Variants in SCN9A observed in about 807,000 individuals in gnomAD.
SCN9A encodes sodium channel protein type 9 subunit alpha.
A neutral mutation model predicts 187.0 loss-of-function variants in SCN9A; 131 were observed. The observed-to-expected ratio is 0.70, with a 90% CI of 0.61 to 0.81. SCN9A has a LOEUF of 0.81. SCN9A is among the 30% of genes least tolerant of loss of function. SCN9A has a pLI of 0.00. For synonymous variants in SCN9A, 809 were observed against 808.6 expected, an observed-to-expected ratio of 1.00 and a Z score of -0.01; for missense variants, 2,252 against 2,396.6, an observed-to-expected ratio of 0.94 and a Z score of 1.26.
chr2:166,214,437 G>A (rs940621874), intron 24 of SCN9A, among the ~76,000 whole-genome samples: 9 of 151,476 alleles, frequency 5.9e-5, no homozygotes, highest in African/African-American at 2.2e-4. Flanking sequence ...CTAAACAAGA[G>A]GAATAACATT....
At position 166,199,326 on chromosome 2, in the gene SCN9A, A is replaced by G. The variant is rs758469073; in HGVS notation, c.5313T>C (p.Thr1771=). 1.2e-6 allele frequency: 2 copies of G among 1,614,220 alleles called. No individual in the cohort carries two copies. Among genetic ancestry groups the G allele is most frequent in the Non-Finnish European group, 8.5e-7 (1 of 1,180,036 alleles). The stretch of plus-strand genomic sequence containing the variant: ...CAAAGTCATCCTCACTCAGAGGTTC[A>G]GTACTTTCTTCAGTGGCAACACTAA... ...ENFSVATEES[T]EPLSEDDFEM... is the part of the protein sequence containing the mutation. The change falls in exon 27 of 27, where the codon ACT becomes ACC. Residue 1771 remains threonine (T), a synonymous_variant. Coordinates refer to ENST00000642356, the MANE Select transcript of SCN9A (RefSeq NM_001365536.1).
intron 26 of SCN9A, among the ~76,000 whole-genome samples, chr2:166,202,471 C>G (rs1693587945): frequency 6.6e-6 from 1 of 151,476 alleles, no homozygotes; most frequent in African/African-American, 2.4e-5. Context: ...CTCTTGTCAC[C>G]CTAATTTTCT....
intron 24 of SCN9A, among the ~76,000 whole-genome samples, chr2:166,222,946 A>C (rs1694665720): frequency 0.025 from 436 of 17,102 alleles, 8 homozygotes; most frequent in African/African-American, 0.057. Context: ...AAAAAACAAC[A>C]AAAAAAAAAA....
intron 24 of SCN9A, among the ~76,000 whole-genome samples, chr2:166,221,399 C>T (rs1305559156): frequency 6.6e-6 from 1 of 152,002 alleles, no homozygotes; most frequent in Admixed American, 6.6e-5. Context: ...TTTCTCATTT[C>T]TTATTTATTT....
rs779046399 is a variant in SCN9A at position 166,284,800 on chromosome 2, A to G, written c.1627T>C (p.Leu543=). Residue 543 remains leucine (L), a synonymous_variant, in exon 12 of 27, where the codon TTG becomes CTG. Transcript: ENST00000642356. ...NQSPLSIRGS[L]FSARRSSRTS... The stretch of plus-strand genomic sequence containing the variant: ...CTGCTGCTTCGCCTTGCAGAAAACA[A>G]GGAGCCACGAATGCTGAGTGGTGAC... 1.9e-6 allele frequency: 3 copies of G among 1,611,932 alleles called. No individual in the cohort carries two copies. The highest frequency in any genetic ancestry group is 2.5e-6 in the Non-Finnish European group (3 of 1,179,548).
At chr2:166,358,317 A>G (rs1032432158) in intron 1 of SCN9A, among the ~76,000 whole-genome samples, 7 of 151,900 alleles carry the variant, frequency 4.6e-5, no homozygotes, top group Non-Finnish European at 1.0e-4. Flanking sequence ...TGATCCACCC[A>G]TCTCAGCTTC....
intron 24 of SCN9A, among the ~76,000 whole-genome samples, chr2:166,222,559 C>T (rs1055467151): frequency 1.3e-5 from 2 of 151,766 alleles, no homozygotes; most frequent in Non-Finnish European, 2.9e-5. Context: ...ACCAGGGAGT[C>T]GGAGGTTGCA....
At chr2:166,234,194 A>G (rs2106396914) in intron 20 of SCN9A, among the ~76,000 whole-genome samples, 1 of 152,342 alleles carries the variant, frequency 6.6e-6, no homozygotes, top group East Asian at 1.9e-4. Flanking sequence ...AAGAAAGAAC[A>G]TGAACAGCAA....
At chr2:166,225,576 C>G (rs1052466648) in intron 24 of SCN9A, among the ~76,000 whole-genome samples, 7 of 139,050 alleles carry the variant, frequency 5.0e-5, no homozygotes, top group Non-Finnish European at 7.4e-5. Context: ...TGTAATAATA[C>G]TTTTGTGATT....
chr2:166,251,526 C>T (rs1268121853), intron 18 of SCN9A, among the ~76,000 whole-genome samples: 1 of 152,012 alleles, frequency 6.6e-6, no homozygotes, highest in Non-Finnish European at 1.5e-5. Context: ...GAAGTAGTAG[C>T]ATGCTTACAG....
chr2:166,250,067 G>A (rs1455143241), intron 18 of SCN9A, among the ~76,000 whole-genome samples: 3 of 152,110 alleles, frequency 2.0e-5, no homozygotes, highest in Non-Finnish European at 4.4e-5. Flanking sequence ...TTGACTGGAT[G>A]TCGTACACCT....
chr2:166,255,027 A>AAT (rs1377984770), intron 17 of SCN9A, among the ~76,000 whole-genome samples: 1 of 151,380 alleles, frequency 6.6e-6, no homozygotes, highest in African/African-American at 2.4e-5. Context: ...TTAAATGTAT[A>AAT]ATAGTATTTA....
At chr2:166,251,045 A>G (rs978135371) in intron 18 of SCN9A, among the ~76,000 whole-genome samples, 3 of 152,104 alleles carry the variant, frequency 2.0e-5, no homozygotes, top group Non-Finnish European at 4.4e-5. Context: ...ATGTTTTACA[A>G]ACAACAGATG....
chr2:166,319,671 T>C (rs943902069), intron 1 of SCN9A, among the ~76,000 whole-genome samples: 2 of 152,162 alleles, frequency 1.3e-5, no homozygotes, highest in African/African-American at 4.8e-5. Flanking sequence ...GTTAATCATC[T>C]CACAAATGTG....
Position 166,277,152 on chromosome 2 carries a change from T to C in SCN9A, c.2705A>G (p.Asp902Gly). The C allele has an allele frequency of 6.2e-7, 1 of 1,613,988 alleles. No homozygotes were observed. Among genetic ancestry groups the C allele is most frequent in the Non-Finnish European group, 8.5e-7 (1 of 1,179,970 alleles). ...CATGTGCCACCGTGGGAGCGTACAG[T>C]CATCATTGATCTTGCAGACACATTC... ...YKECVCKIND[D>G]CTLPRWHMND... Residue 902 changes from aspartate (D) to glycine (G), a missense_variant, in exon 16 of 27, where the codon GAC (aspartate) becomes GGC (glycine). Physicochemically the swap from Asp to Gly is moderately conservative, Grantham distance 94. Around this residue, in one of 7 missense-constraint regions of SCN9A, gnomAD observed 119 missense variants for 188.7 expected, o/e 0.63. Coordinates refer to ENST00000642356, the MANE Select transcript of SCN9A (RefSeq NM_001365536.1).
At chr2:166,279,516 G>C (rs910402507) in intron 14 of SCN9A, among the ~76,000 whole-genome samples, 1 of 152,120 alleles carries the variant, frequency 6.6e-6, no homozygotes, top group Non-Finnish European at 1.5e-5. Context: ...GTACATTTTA[G>C]AGATCACTCT....
intron 16 of SCN9A, 145 bp from the exon 17 acceptor site, chr2:166,273,020 C>T (rs955126614): frequency 9.0e-6 from 4 of 445,468 alleles, no homozygotes. Context: ...ACGGATAAGA[C>T]CACATGAGAG....
At position 166,286,343 on chromosome 2, in the gene SCN9A, G is replaced by C. The variant is rs1416039322; in HGVS notation, c.1595C>G (p.Pro532Arg). The C allele has an allele frequency of 6.2e-7, 1 of 1,607,034 alleles. No homozygotes were observed. Among genetic ancestry groups the C allele is most frequent in the Non-Finnish European group, 8.5e-7 (1 of 1,177,606 alleles). Reference sequence around the variant, plus strand: ...TAGCAATTTGGGTGGTACCTGATTGGGGGTAGACAACCTCTTTTCATGTGC... The same window carrying C: ...TAGCAATTTGGGTGGTACCTGATTGCGGGTAGACAACCTCTTTTCATGTGC... ...RRAHEKRLST[P>R]NQSPLSIRGS... Residue 532 changes from proline (P) to arginine (R), a missense_variant, in exon 11 of 27, where the codon CCC becomes CGC. By Grantham distance (103) the Pro-to-Arg change is moderately radical. This residue lies in a region of SCN9A where 1,013 missense variants were observed against 997.4 expected (regional missense o/e 1.02). Transcript: ENST00000642356.
chr2:166,373,456 T>G (rs1700612798), intron 1 of SCN9A, among the ~76,000 whole-genome samples: 1 of 152,076 alleles, frequency 6.6e-6, no homozygotes, highest in Admixed American at 6.5e-5. Context: ...GGATTCCAAG[T>G]AAATTATGAT....
Sources: gnomAD v4.1 joint callset for allele counts (sites outside exome capture counted in the v4.1 genomes callset) on GRCh38, gnomAD v4.1.1 for gene constraint, gnomAD v4.1.1 regional missense constraint, MANE v1.5 for transcripts, NCBI Gene and HGNC (gene_info 2026-07-23, HGNC 2026-07-21) for gene names.